Variants in NT5DC1 observed in about 807,000 individuals in gnomAD.
NT5DC1 encodes the protein 5'-nucleotidase domain containing 1.
NT5DC1 carries 42 observed loss-of-function variants against 59.4 expected under a neutral mutation model. That is an observed-to-expected ratio of 0.71 (90% CI 0.55 to 0.92). The LOEUF (loss-of-function observed/expected upper bound fraction) is 0.92. Ranked by LOEUF, NT5DC1 falls within the 40% of genes least tolerant of loss-of-function variation. The pLI is 0.00. For missense variants in NT5DC1, 501 were observed against 537.1 expected, an observed-to-expected ratio of 0.93 and a Z score of 0.66; for synonymous variants, 172 against 188.1, an observed-to-expected ratio of 0.91 and a Z score of 0.70.
rs1234175489 is a variant in NT5DC1 at position 116,100,868 on chromosome 6, C to G, written c.-63C>G. ...CCGGCCCGGTCCTGTCCCGCAGCGTCCCGCCAGCCAGCTCCTTGCACCCTT... is the reference window on the plus strand; with the variant it reads ...CCGGCCCGGTCCTGTCCCGCAGCGTGCCGCCAGCCAGCTCCTTGCACCCTT... On this transcript the variant is annotated 5_prime_UTR_variant, in exon 1 of 12. Coordinates refer to ENST00000319550, the MANE Select transcript of NT5DC1 (RefSeq NM_152729.3). 4.6e-6 allele frequency: 6 copies of G among 1,312,944 alleles called. No individual in the cohort carries two copies. Among genetic ancestry groups the G allele is most frequent in the African/African-American group, 1.5e-5 (1 of 65,314 alleles). The allele number at this position is 1,312,944 out of a possible 1,614,324, so 81.3% of individuals were successfully genotyped here.
At chr6:116,163,570 A>G (rs888264762) in intron 6 of NT5DC1, among the ~76,000 whole-genome samples, 4 of 151,796 alleles carry the variant, frequency 2.6e-5, no homozygotes, top group Admixed American at 1.3e-4. Flanking sequence ...TAAACAACCA[A>G]CTTTTGGCTT....
chr6:116,119,671 G>C (rs1215315112), intron 6 of NT5DC1: 1 of 181,496 alleles, frequency 5.5e-6, no homozygotes, highest in African/African-American at 2.4e-5. Flanking sequence ...TTCATAGTTA[G>C]AAACAGGCTT....
At chr6:116,159,306 T>C (rs1221509726) in intron 6 of NT5DC1, among the ~76,000 whole-genome samples, 9 of 152,194 alleles carry the variant, frequency 5.9e-5, no homozygotes, top group Non-Finnish European at 1.5e-5. Flanking sequence ...CATAACTTTC[T>C]TTTTCCATAA....
chr6:116,199,353 G>T (rs1781300065), intron 6 of NT5DC1, among the ~76,000 whole-genome samples: 1 of 152,062 alleles, frequency 6.6e-6, no homozygotes. Flanking sequence ...ATAGTCAAAG[G>T]ACAGGGAACT....
chr6:116,200,809 T>C (rs988131047), intron 6 of NT5DC1, among the ~76,000 whole-genome samples: 2 of 152,000 alleles, frequency 1.3e-5, no homozygotes, highest in African/African-American at 4.8e-5. Flanking sequence ...ATAACAGTTC[T>C]TCACCTTCTT....
chr6:116,140,761 C>A (rs1779744853), intron 6 of NT5DC1, among the ~76,000 whole-genome samples: 1 of 152,104 alleles, frequency 6.6e-6, no homozygotes, highest in Admixed American at 6.5e-5. Context: ...CTGCAACTTA[C>A]TTTTTTGATG....
intron 11 of NT5DC1, among the ~76,000 whole-genome samples, chr6:116,240,589 A>G (rs1771693440): frequency 6.6e-6 from 1 of 152,222 alleles, no homozygotes; most frequent in African/African-American, 2.4e-5. Flanking sequence ...GGGGAAAAAA[A>G]TAAGCCAAAG....
At chr6:116,174,820 G>C (rs1028426889) in intron 6 of NT5DC1, among the ~76,000 whole-genome samples, 2 of 152,074 alleles carry the variant, frequency 1.3e-5, no homozygotes, top group African/African-American at 4.8e-5. Flanking sequence ...ATAAAGCATG[G>C]CTAATTCAAC....
intron 6 of NT5DC1, among the ~76,000 whole-genome samples, chr6:116,147,300 G>A (rs1285732692): frequency 6.6e-6 from 1 of 151,932 alleles, no homozygotes; most frequent in African/African-American, 2.4e-5. Flanking sequence ...AAAGTAGCTG[G>A]GCGTGGTGGC....
In NT5DC1 at chr6:116,185,437, C is replaced by G. The variant is rs79934629; in HGVS notation, c.530-35617C>G. Among the ~76,000 whole-genome samples, 849 of 152,112 alleles carry G rather than the reference C, an allele frequency of 5.6e-3. 17 individuals carry two copies. Among genetic ancestry groups the G allele is most frequent in the South Asian group, 0.046 (222 of 4,820 alleles). ...CTTTGTTGTCTTTCTGTCTTGATGGCCTGTCTAATGCTGTCAGTGGAGTAT... is the reference window on the plus strand; with the variant it reads ...CTTTGTTGTCTTTCTGTCTTGATGGGCTGTCTAATGCTGTCAGTGGAGTAT... On this transcript the variant is annotated intron_variant, in intron 6 of 11. Transcript: ENST00000319550.
chr6:116,225,099 C>A (rs2114545602), intron 8 of NT5DC1, among the ~76,000 whole-genome samples: 1 of 152,192 alleles, frequency 6.6e-6, no homozygotes, highest in East Asian at 1.9e-4. Context: ...CTCAAATGAG[C>A]AAGTGAGTAG....
chr6:116,121,944 C>T lies in NT5DC1; in HGVS notation c.529+3999C>T, dbSNP rs371683017. ...CCTGGTGGACCAGGAGTACCTTGCT[C>T]TCCTCTTACTGCTATACCTAAAAGA... On this transcript the variant is annotated intron_variant, in intron 6 of 11. Coordinates refer to ENST00000319550, the MANE Select transcript of NT5DC1 (RefSeq NM_152729.3). The T allele has an allele frequency of 1.4e-5, 23 of 1,612,748 alleles. No individual in the cohort carries two copies. Among genetic ancestry groups the T allele is most frequent in the Non-Finnish European group, 1.9e-5 (22 of 1,179,998 alleles).
intron 5 of NT5DC1, 58 bp from the exon 6 acceptor site, chr6:116,117,803 T>C (rs1778996656): frequency 1.0e-6 from 1 of 973,492 alleles, no homozygotes; most frequent in South Asian, 1.4e-5. Flanking sequence ...GCCAGCATTT[T>C]TCACTATGCT....
At chr6:116,221,763 G>A (rs1051933853) in intron 7 of NT5DC1, among the ~76,000 whole-genome samples, 1 of 152,166 alleles carries the variant, frequency 6.6e-6, no homozygotes, top group African/African-American at 2.4e-5. Flanking sequence ...ACCTGGGGCA[G>A]GTTTTATAAC....
At chr6:116,205,345 A>G (rs1261585861) in intron 6 of NT5DC1, among the ~76,000 whole-genome samples, 1 of 144,660 alleles carries the variant, frequency 6.9e-6, no homozygotes, top group Non-Finnish European at 1.6e-5. Flanking sequence ...CTTTTTTTTT[A>G]TGTTTCAAAA....
intron 11 of NT5DC1, 57 bp downstream of exon 11, chr6:116,239,180 C>A: frequency 1.6e-6 from 2 of 1,221,648 alleles, no homozygotes; most frequent in Non-Finnish European, 2.3e-6. Flanking sequence ...ATGACCAGTA[C>A]TAGAATTCTT....
chr6:116,166,298 C>T (rs1780464135), intron 6 of NT5DC1, among the ~76,000 whole-genome samples: 1 of 152,200 alleles, frequency 6.6e-6, no homozygotes, highest in South Asian at 2.1e-4. Flanking sequence ...GATCTTCTCT[C>T]TGAGGATAAC....
At chr6:116,148,598 T>G (rs999971341) in intron 6 of NT5DC1, among the ~76,000 whole-genome samples, 2 of 152,158 alleles carry the variant, frequency 1.3e-5, no homozygotes, top group African/African-American at 4.8e-5. Flanking sequence ...AACAGTTTAT[T>G]ATATGTATTT....
intron 4 of NT5DC1, among the ~76,000 whole-genome samples, chr6:116,114,435 A>T (rs767367924): frequency 6.8e-6 from 1 of 145,986 alleles, no homozygotes; most frequent in African/African-American, 2.5e-5. Context: ...GCAAACGTCT[A>T]TTGAGTGCTT....
Sources: gnomAD v4.1 joint callset for allele counts (sites outside exome capture counted in the v4.1 genomes callset) on GRCh38, gnomAD v4.1.1 for gene constraint, MANE v1.5 for transcripts, NCBI Gene and HGNC (gene_info 2026-07-23, HGNC 2026-07-21) for gene names.